GRK5: variants seen among roughly 807,000 people sequenced by gnomAD.
GRK5 encodes G protein-coupled receptor kinase 5, also known as g protein-coupled receptor kinase GRK5.
In GRK5, 40 loss-of-function variants were observed where a neutral mutation model predicts 78.4. That is an observed-to-expected ratio of 0.51 (90% CI 0.40 to 0.66). GRK5 has a LOEUF of 0.66. Ranked by LOEUF, GRK5 falls within the 30% of genes least tolerant of loss-of-function variation. The pLI is 0.00. For synonymous variants in GRK5, 289 were observed against 296.8 expected (o/e 0.97, Z 0.27); for missense variants, 598 against 759.9 (o/e 0.79, Z 2.50).
chr10:119,391,502 T>C (rs1337511467), intron 3 of GRK5, among the ~76,000 whole-genome samples: 1 of 152,180 alleles, frequency 6.6e-6, no homozygotes, highest in Admixed American at 6.5e-5. Context: ...AATCAGTAGC[T>C]GCTGATGCAA....
intron 3 of GRK5, among the ~76,000 whole-genome samples, chr10:119,386,887 G>A (rs943635225): frequency 2.6e-5 from 4 of 152,328 alleles, no homozygotes; most frequent in African/African-American, 4.8e-5. Context: ...CTCGGCCAGC[G>A]CCATCCACGC....
At chr10:119,409,098 G>A (rs944689599) in intron 4 of GRK5, among the ~76,000 whole-genome samples, 4 of 152,216 alleles carry the variant, frequency 2.6e-5, no homozygotes, top group African/African-American at 9.7e-5. Flanking sequence ...GCATGCCAGC[G>A]CCCTCCGGGG....
At chr10:119,360,698 A>G (rs1419859168) in intron 2 of GRK5, among the ~76,000 whole-genome samples, 1 of 152,176 alleles carries the variant, frequency 6.6e-6, no homozygotes, top group Non-Finnish European at 1.5e-5. Context: ...TCCATGGTCA[A>G]GTGTTTGAGG....
intron 2 of GRK5, among the ~76,000 whole-genome samples, chr10:119,373,679 A>G (rs1397434561): frequency 2.0e-5 from 3 of 152,158 alleles, no homozygotes; most frequent in Non-Finnish European, 2.9e-5. Flanking sequence ...GAGAATCTGC[A>G]TTTTCAGTAG....
intron 2 of GRK5, among the ~76,000 whole-genome samples, chr10:119,376,799 T>G (rs1212764394): frequency 6.6e-6 from 1 of 152,120 alleles, no homozygotes; most frequent in Non-Finnish European, 1.5e-5. Context: ...ACTCCTGACC[T>G]CAGGTGATCC....
intron 1 of GRK5, among the ~76,000 whole-genome samples, chr10:119,324,031 C>A (rs1850632883): frequency 6.6e-6 from 1 of 152,252 alleles, no homozygotes; most frequent in African/African-American, 2.4e-5. Context: ...GTCTGGCTTG[C>A]AGCTTTTCTG....
At chr10:119,304,850 G>C (rs970734645) in intron 1 of GRK5, among the ~76,000 whole-genome samples, 2 of 152,224 alleles carry the variant, frequency 1.3e-5, no homozygotes, top group Non-Finnish European at 2.9e-5. Flanking sequence ...TTTGCAGAAA[G>C]GCAGTTGTTC....
intron 1 of GRK5, among the ~76,000 whole-genome samples, chr10:119,292,161 TTCCTCC>T (rs370512146): frequency 1.6e-3 from 8 of 5,140 alleles, no homozygotes; most frequent in African/African-American, 5.4e-3. Flanking sequence ...CCTCCTCCTC[TTCCTCC>T]TCCTCCTCTT....
Position 119,214,533 on chromosome 10 carries a change from G to C in GRK5, c.52+6564G>C, listed in dbSNP as rs568095769. On this transcript the variant is annotated intron_variant, in intron 1 of 15. Coordinates refer to ENST00000392870, the MANE Select transcript of GRK5 (RefSeq NM_005308.3). ...CACTGAGGGGTTTTTGTTTTGTTTT[G>C]TTTTTTGAGACAGGGTCTTGCTGTC... 1.1e-4 allele frequency among the ~76,000 whole-genome samples: 17 copies of C among 152,124 alleles called. No homozygotes were observed. In the East Asian group the frequency reaches 3.1e-3, roughly 28 times the overall value.
At chr10:119,392,416 T>A (rs1851900422) in intron 3 of GRK5, among the ~76,000 whole-genome samples, 1 of 152,210 alleles carries the variant, frequency 6.6e-6, no homozygotes, top group Non-Finnish European at 1.5e-5. Flanking sequence ...CCGTGGCTGT[T>A]AGACCTGAGT....
intron 1 of GRK5, among the ~76,000 whole-genome samples, chr10:119,212,217 G>T (rs1292408746): frequency 6.6e-6 from 1 of 151,772 alleles, no homozygotes; most frequent in African/African-American, 2.4e-5. Flanking sequence ...GAAACCAAAA[G>T]CAATGTTTTC....
At chr10:119,363,037 T>C (rs555357357) in intron 2 of GRK5, among the ~76,000 whole-genome samples, 1 of 152,172 alleles carries the variant, frequency 6.6e-6, no homozygotes, top group Non-Finnish European at 1.5e-5. Flanking sequence ...CCCAGCACTT[T>C]GGGAGGCTGA....
At chr10:119,303,232 C>T (rs528492376) in intron 1 of GRK5, among the ~76,000 whole-genome samples, 6 of 152,306 alleles carry the variant, frequency 3.9e-5, no homozygotes, top group Non-Finnish European at 7.4e-5. Context: ...TGTAAACAGA[C>T]GATCTATACA....
intron 3 of GRK5, among the ~76,000 whole-genome samples, chr10:119,386,849 T>TTGCAGTAGCGCCCCGGGTGC: frequency 6.6e-6 from 1 of 152,340 alleles, no homozygotes; most frequent in South Asian, 2.1e-4. Flanking sequence ...GTCCTTGGTG[T>TTGCAGTAGCGCCCCGGGTGC]TGCAGTAGCG....
At position 119,335,753 on chromosome 10, in the gene GRK5, T is replaced by C. The variant is rs117662587; in HGVS notation, c.148+9142T>C. Among the ~76,000 whole-genome samples, 430 of 152,366 alleles carry C rather than the reference T, an allele frequency of 2.8e-3. 15 individuals carry two copies. The East Asian group carries it at 0.064, about 23-fold the overall frequency. ...CATTGCTGCAGTCACCGGACTTGTGTCACAGGCCACCCTTGTCCAGCAGCG... is the reference window on the plus strand; with the variant it reads ...CATTGCTGCAGTCACCGGACTTGTGCCACAGGCCACCCTTGTCCAGCAGCG... On this transcript the variant is annotated intron_variant, in intron 2 of 15. Coordinates refer to ENST00000392870, the MANE Select transcript of GRK5 (RefSeq NM_005308.3).
chr10:119,297,775 C>T (rs940029204), intron 1 of GRK5, among the ~76,000 whole-genome samples: 5 of 152,206 alleles, frequency 3.3e-5, no homozygotes, highest in African/African-American at 1.2e-4. Context: ...TCTTGGACTT[C>T]CCAGCCTCCA....
intron 1 of GRK5, among the ~76,000 whole-genome samples, chr10:119,243,895 T>C (rs1849065073): frequency 6.6e-6 from 1 of 152,222 alleles, no homozygotes; most frequent in African/African-American, 2.4e-5. Context: ...CTAGATTTTA[T>C]AGTTGTTTTC....
chr10:119,349,215 C>G (rs1427207335), intron 2 of GRK5, among the ~76,000 whole-genome samples: 3 of 152,130 alleles, frequency 2.0e-5, no homozygotes, highest in Non-Finnish European at 2.9e-5. Context: ...CAGGGAGGGG[C>G]TGAGAGGCAG....
At chr10:119,403,030 T>G (rs1433948320) in intron 4 of GRK5, among the ~76,000 whole-genome samples, 1 of 152,236 alleles carries the variant, frequency 6.6e-6, no homozygotes, top group African/African-American at 2.4e-5. Context: ...AAGAAGAAAC[T>G]GTTGTACCTG....
Sources: allele counts gnomAD v4.1 joint callset (sites outside exome capture counted in the v4.1 genomes callset), GRCh38; gene constraint gnomAD v4.1.1; transcripts MANE v1.5; gene names NCBI Gene and HGNC (gene_info 2026-07-23, HGNC 2026-07-21).